The following BEND2 variants were observed in gnomAD, a reference collection of about 807,000 sequenced individuals.
BEND2 encodes BEN domain containing 2.
A neutral mutation model predicts 43.8 loss-of-function variants in BEND2; 19 were observed. The observed-to-expected ratio is 0.43, with a 90% CI of 0.30 to 0.64. The LOEUF (loss-of-function observed/expected upper bound fraction) is 0.64, where lower values mean the gene tolerates loss of function less well. Among genes scored for constraint, BEND2 ranks in the 30% least tolerant of loss-of-function variants. The probability of loss-of-function intolerance (pLI) is 0.11; values close to 1 mark genes in which losing one functional copy is unlikely to be tolerated. For missense variants in BEND2, 544 were observed against 574.0 expected (o/e 0.95, Z 0.53); for synonymous variants, 226 against 210.1 (o/e 1.08, Z -0.66).
chrX:18,184,481 C>G (rs185957820), intron 8 of BEND2, among the ~76,000 whole-genome samples: 1 of 111,492 alleles, frequency 9.0e-6, no homozygotes. Context: ...GACTCCGTCT[C>G]AAAAAAAGAA....
intron 3 of BEND2, among the ~76,000 whole-genome samples, chrX:18,213,555 T>C (rs958349912): frequency 9.0e-6 from 1 of 110,697 alleles, no homozygotes; most frequent in African/African-American, 3.3e-5. Flanking sequence ...ATAAAGAAAA[T>C]GGGAGAACTA....
Position 18,220,858 on chromosome X carries a change from C to A in BEND2, c.-108G>T. On this transcript the variant is annotated 5_prime_UTR_variant, in exon 1 of 14. Coordinates refer to ENST00000380033, the MANE Select transcript of BEND2 (RefSeq NM_153346.5). Reference sequence around the variant, plus strand: ...TAACTGCTTGGTAACTGTGTGGTAACTGCGTACACTCGTTGTCCGAGGCAC... The same window carrying A: ...TAACTGCTTGGTAACTGTGTGGTAAATGCGTACACTCGTTGTCCGAGGCAC... 3.4e-6 allele frequency: 3 copies of A among 889,123 alleles called. No homozygotes were observed. The highest frequency in any genetic ancestry group is 4.7e-6 in the Non-Finnish European group (3 of 636,548). 73.3% of individuals were successfully genotyped at this position (889,123 alleles called of 1,213,427 possible). A position where few individuals can be genotyped will look rare whatever the true frequency, so the allele number is the denominator to read the frequency against.
intron 8 of BEND2, among the ~76,000 whole-genome samples, chrX:18,183,428 T>G (rs767069295): frequency 8.9e-6 from 1 of 112,410 alleles, no homozygotes; most frequent in South Asian, 3.7e-4. Flanking sequence ...AGGACACAGC[T>G]TCGGAGCTAG....
chrX:18,200,328 C>G (rs1050649000), intron 6 of BEND2, among the ~76,000 whole-genome samples: 3 of 109,942 alleles, frequency 2.7e-5, no homozygotes, highest in African/African-American at 9.9e-5. Flanking sequence ...CATGGTGAAA[C>G]CCTGTCTCTA....
chrX:18,220,426 G>A (rs985083894), intron 1 of BEND2, among the ~76,000 whole-genome samples: 1 of 111,743 alleles, frequency 8.9e-6, no homozygotes, highest in Non-Finnish European at 1.9e-5. Context: ...CCAACCCTGA[G>A]CCACCAAGAG....
intron 8 of BEND2, among the ~76,000 whole-genome samples, chrX:18,189,025 C>T (rs1924667628): frequency 9.2e-6 from 1 of 108,587 alleles, no homozygotes; most frequent in Non-Finnish European, 1.9e-5. Flanking sequence ...ACGGTGAAAC[C>T]CCATCTCTAC....
Position 18,195,156 on chromosome X carries a change from C to A in BEND2, c.1180+140G>T, listed in dbSNP as rs933665482. 1.8e-5 allele frequency: 14 copies of A among 757,038 alleles called. No homozygotes were observed. In the African/African-American group the frequency reaches 2.9e-4, roughly 16 times the overall value. 62.4% of individuals were successfully genotyped at this position (757,038 alleles called of 1,213,427 possible). ...TAGTCAGGATTTTTCTGTCTTCTTT[C>A]TTATACCTGTGTATGATTTCTGAAC... On this transcript the variant is annotated intron_variant, in intron 7 of 13. Transcript: ENST00000380033.
intron 3 of BEND2, among the ~76,000 whole-genome samples, chrX:18,213,556 G>C (rs749534515): frequency 9.0e-6 from 1 of 111,406 alleles, no homozygotes; most frequent in African/African-American, 3.3e-5. Context: ...TAAAGAAAAT[G>C]GGAGAACTAA....
chrX:18,180,729 C>G, intron 8 of BEND2, 79 bp from the exon 9 acceptor site: 1 of 718,353 alleles, frequency 1.4e-6, no homozygotes, highest in Non-Finnish European at 2.1e-6. Context: ...AATACACTCT[C>G]AGACAAAAGA....
intron 10 of BEND2, among the ~76,000 whole-genome samples, chrX:18,176,729 C>T (rs2147394117): frequency 9.0e-6 from 1 of 111,059 alleles, no homozygotes; most frequent in African/African-American, 3.3e-5. Context: ...TTTCAGGGTG[C>T]TCAGACCATT....
chrX:18,180,112 G>A (rs1381830550), intron 9 of BEND2, among the ~76,000 whole-genome samples: 2 of 112,460 alleles, frequency 1.8e-5, no homozygotes, highest in Non-Finnish European at 3.8e-5. Flanking sequence ...GGGAGGTGGA[G>A]GTTGCAGTGA....
chrX:18,208,187 A>G (rs980901476), intron 4 of BEND2, among the ~76,000 whole-genome samples: 22 of 110,754 alleles, frequency 2.0e-4, no homozygotes, highest in African/African-American at 6.9e-4. Flanking sequence ...TCATTGTTCT[A>G]TTAACATTCT....
chrX:18,216,792 G>A, intron 1 of BEND2, 59 bp from the exon 2 acceptor site: 1 of 898,817 alleles, frequency 1.1e-6, no homozygotes, highest in Non-Finnish European at 1.6e-6. Flanking sequence ...ACAGTTTCTT[G>A]AGGAAGCTAC....
At chrX:18,215,086 T>G (rs2147438208) in intron 2 of BEND2, among the ~76,000 whole-genome samples, 1 of 111,939 alleles carries the variant, frequency 8.9e-6, no homozygotes, top group East Asian at 2.8e-4. Context: ...GGGACATTTA[T>G]ATGGCTTCTA....
rs184754920 is a variant in BEND2, at chrX:18,173,930, G to A, written c.1981+100C>T. On this transcript the variant is annotated intron_variant, in intron 12 of 13. Coordinates refer to ENST00000380033, the MANE Select transcript of BEND2 (RefSeq NM_153346.5). ...TGAAATTTCTCAAACACACATAAAA[G>A]TAGAGAGAATAGTACAATGAACCCC... 961 of 711,015 alleles carry A rather than the reference G, an allele frequency of 1.4e-3. 8 individuals carry two copies. In the African/African-American group the frequency reaches 0.019, roughly 14 times the overall value. The allele number at this position is 711,015 out of a possible 1,213,427, so 58.6% of individuals were successfully genotyped here. A position where few individuals can be genotyped will look rare whatever the true frequency, so the allele number is the denominator to read the frequency against.
intron 8 of BEND2, among the ~76,000 whole-genome samples, chrX:18,180,990 G>A (rs933634182): frequency 2.7e-5 from 3 of 110,325 alleles, no homozygotes; most frequent in Admixed American, 1.9e-4. Context: ...GGCCAGGCTG[G>A]TCTTGAATTC....
rs76465445 is a variant in BEND2, at chrX:18,203,903, T to C, written c.505A>G (p.Ile169Val). 98 of 1,197,246 alleles carry C rather than the reference T, an allele frequency of 8.2e-5. No homozygotes were observed. In the African/African-American group the frequency reaches 1.6e-3, roughly 20 times the overall value. ...TCCTGCCTTTCCGCTGGTGGTGATATGCTAGACTGTACCTATCCAGGGTAA... is the reference window on the plus strand; with the variant it reads ...TCCTGCCTTTCCGCTGGTGGTGATACGCTAGACTGTACCTATCCAGGGTAA... Reference protein sequence around the residue: ...RFYTPEVQSSISPPAERQETH... With the variant: ...RFYTPEVQSSVSPPAERQETH... The change falls in exon 5 of 14, where the codon ATA becomes GTA. Residue 169 changes from isoleucine (I) to valine (V), a missense_variant. Ile to Val is a conservative substitution (Grantham distance 29). Transcript: ENST00000380033.
At chrX:18,207,757 G>A (rs1278770998) in intron 4 of BEND2, among the ~76,000 whole-genome samples, 6 of 112,406 alleles carry the variant, frequency 5.3e-5, no homozygotes. Flanking sequence ...AGTGGCTCAC[G>A]CCTGTAAGCC....
At chrX:18,195,610 G>C (rs1924917464) in intron 6 of BEND2, among the ~76,000 whole-genome samples, 168 bp from the exon 7 acceptor site, 1 of 111,795 alleles carries the variant, frequency 8.9e-6, no homozygotes, top group African/African-American at 3.3e-5. Flanking sequence ...GCCTGGTGCA[G>C]TGGCTCATGC....
Sources: allele counts gnomAD v4.1 joint callset (sites outside exome capture counted in the v4.1 genomes callset), GRCh38; gene constraint gnomAD v4.1.1; transcripts MANE v1.5; gene names NCBI Gene and HGNC (gene_info 2026-07-23, HGNC 2026-07-21).